The following NTN1 variants were observed in gnomAD, a reference collection of about 807,000 sequenced individuals.
NTN1 encodes netrin-1.
Under a neutral mutation model 54.2 loss-of-function variants are expected in NTN1, and 11 were observed. The observed-to-expected ratio is 0.20, with a 90% CI of 0.13 to 0.34. The LOEUF is 0.34. Ranked by LOEUF, NTN1 falls within the 10% of genes least tolerant of loss-of-function variation. NTN1 has a pLI of 1.00. For synonymous variants in NTN1, 371 were observed against 382.0 expected, an observed-to-expected ratio of 0.97 and a Z score of 0.33; for missense variants, 740 against 893.1, an observed-to-expected ratio of 0.83 and a Z score of 2.18.
intron 2 of NTN1, among the ~76,000 whole-genome samples, chr17:9,118,540 T>G (rs2092222028): frequency 6.6e-6 from 1 of 151,982 alleles, no homozygotes; most frequent in African/African-American, 2.4e-5. Flanking sequence ...CAAAAACCGG[T>G]TCAGTGGTTT....
chr17:9,178,706 C>T (rs991808796), intron 3 of NTN1, among the ~76,000 whole-genome samples: 4 of 152,206 alleles, frequency 2.6e-5, no homozygotes, highest in Admixed American at 6.5e-5. Flanking sequence ...TTACTGCAGA[C>T]GACTCCCCAC....
rs983694873 is a variant in NTN1, at chr17:9,243,793, C to A, written c.*3825C>A. The A allele has an allele frequency of 6.6e-6, 1 of 151,134 alleles. No homozygotes were observed. The highest frequency in any genetic ancestry group is 1.9e-4 in the East Asian group (1 of 5,140). The allele number at this position is 151,134 out of a possible 1,614,324, so 9.4% of individuals were successfully genotyped here. On this transcript the variant is annotated 3_prime_UTR_variant, in exon 7 of 7. Coordinates refer to ENST00000173229, the MANE Select transcript of NTN1 (RefSeq NM_004822.3). Reference sequence around the variant, plus strand: ...ATGACGTATTGTTTGGGTCAATGTCCCTTTCCAATGCATACTAATATATTA... The same window carrying A: ...ATGACGTATTGTTTGGGTCAATGTCACTTTCCAATGCATACTAATATATTA...
chr17:9,062,923 A>C (rs1026129358), intron 2 of NTN1, among the ~76,000 whole-genome samples: 1 of 152,250 alleles, frequency 6.6e-6, no homozygotes, highest in Non-Finnish European at 1.5e-5. Context: ...ACATTTTCAG[A>C]ATGTGTTGTA....
chr17:9,122,979 C>T (rs1276865713), intron 2 of NTN1, among the ~76,000 whole-genome samples: 1 of 152,046 alleles, frequency 6.6e-6, no homozygotes, highest in East Asian at 1.9e-4. Context: ...AGGTTTTTTC[C>T]ACTCTAAGCT....
upstream of NTN1, among the ~76,000 whole-genome samples, chr17:9,018,228 G>A (rs912032518): frequency 4.6e-5 from 7 of 152,076 alleles, no homozygotes; most frequent in African/African-American, 9.7e-5. Flanking sequence ...AGGTGACCCC[G>A]CTCATCCTCT....
At position 9,131,978 on chromosome 17, in the gene NTN1, ATTT is replaced by A. The variant is rs35556647; in HGVS notation, c.1019-30822_1019-30820del. 2.1e-3 allele frequency among the ~76,000 whole-genome samples: 281 copies of A among 133,884 alleles called. 1 individual carries two copies. Among genetic ancestry groups the A allele is most frequent in the African/African-American group, 7.1e-3 (265 of 37,124 alleles). The allele number at this position is 133,884 out of a possible 152,430, so 87.8% of individuals were successfully genotyped here. On this transcript the variant is annotated intron_variant, in intron 2 of 6. Transcript: ENST00000173229. Reference sequence around the variant, plus strand: ...CAACCACGCCCGGCTAATTTTTTGTATTTTTTTTTTTTTTTGGTAGAAACTGGG... The same window carrying A: ...CAACCACGCCCGGCTAATTTTTTGTATTTTTTTTTTTTGGTAGAAACTGGG...
intron 5 of NTN1, among the ~76,000 whole-genome samples, chr17:9,216,841 G>C (rs1236532721): frequency 6.6e-6 from 1 of 152,194 alleles, no homozygotes; most frequent in Non-Finnish European, 1.5e-5. Flanking sequence ...AGGAGTTCGA[G>C]ACCAGCCTGG....
At chr17:9,106,476 CCTTCCTTCCTT>C in intron 2 of NTN1, among the ~76,000 whole-genome samples, 1 of 20,792 alleles carries the variant, frequency 4.8e-5, no homozygotes, top group African/African-American at 2.9e-4. Context: ...TCCCTTCCTT[CCTTCCTTCCTT>C]CCTTCCTTCC....
intron 2 of NTN1, among the ~76,000 whole-genome samples, chr17:9,065,960 C>T (rs963341582): frequency 6.6e-6 from 1 of 152,188 alleles, no homozygotes; most frequent in Non-Finnish European, 1.5e-5. Flanking sequence ...AGATTAAATC[C>T]ATTCATATGT....
At chr17:9,022,173 G>T in intron 1 of NTN1, 138 bp from the exon 2 acceptor site, 1 of 534,640 alleles carries the variant, frequency 1.9e-6, no homozygotes, top group Non-Finnish European at 2.8e-6. Context: ...GCGGGACTTT[G>T]GGGGAGAGAG....
chr17:9,163,118 A>C (rs1158094522), intron 3 of NTN1, 117 bp downstream of exon 3: 10 of 916,846 alleles, frequency 1.1e-5, no homozygotes, highest in Non-Finnish European at 1.5e-5. Context: ...GCGTTGTCTG[A>C]GGTCATCTCT....
chr17:9,061,786 C>G (rs1310455621), intron 2 of NTN1, among the ~76,000 whole-genome samples: 2 of 152,158 alleles, frequency 1.3e-5, no homozygotes, highest in African/African-American at 4.8e-5. Context: ...TCACTGAAAC[C>G]TCCACCTCCC....
intron 3 of NTN1, among the ~76,000 whole-genome samples, chr17:9,169,435 T>C (rs2092381104): frequency 6.6e-6 from 1 of 152,246 alleles, no homozygotes; most frequent in Non-Finnish European, 1.5e-5. Flanking sequence ...TGTGGCGCAC[T>C]GTGCCAAACG....
chr17:9,101,836 T>A (rs1054882927), intron 2 of NTN1, among the ~76,000 whole-genome samples: 1 of 151,964 alleles, frequency 6.6e-6, no homozygotes, highest in Admixed American at 6.6e-5. Flanking sequence ...CTACAAAAAA[T>A]AAGAAATGTA....
intron 2 of NTN1, among the ~76,000 whole-genome samples, chr17:9,028,362 C>T (rs1257127828): frequency 2.0e-5 from 3 of 152,296 alleles, no homozygotes; most frequent in East Asian, 3.9e-4. Flanking sequence ...GTGAGGTTCT[C>T]TGCTGGGGTC....
In NTN1 at chr17:9,133,899, C is replaced by CTTTT. The variant is rs71361867; in HGVS notation, c.1019-28894_1019-28891dup. On this transcript the variant is annotated intron_variant, in intron 2 of 6. Transcript: ENST00000173229. ...ACAGGCATGAGCCACTGGGCCTAGC[C>CTTTT]TTTTTTTTTTTTTTTTTTTTTTTGA... Among the ~76,000 whole-genome samples, 58 of 85,458 alleles carry CTTTT rather than the reference C, an allele frequency of 6.8e-4. 5 individuals carry two copies. The highest frequency in any genetic ancestry group is 1.2e-3 in the Admixed American group (8 of 6,412). The allele number at this position is 85,458 out of a possible 152,430, so 56.1% of individuals were successfully genotyped here. A position where few individuals can be genotyped will look rare whatever the true frequency, so the allele number is the denominator to read the frequency against.
At chr17:9,093,405 CAG>C (rs1324968141) in intron 2 of NTN1, among the ~76,000 whole-genome samples, 4 of 152,136 alleles carry the variant, frequency 2.6e-5, no homozygotes, top group Non-Finnish European at 5.9e-5. Context: ...CTCTGTTGCC[CAG>C]GCTGGAGTGC....
At chr17:9,128,789 A>G (rs1205024292) in intron 2 of NTN1, among the ~76,000 whole-genome samples, 2 of 152,074 alleles carry the variant, frequency 1.3e-5, no homozygotes, top group African/African-American at 4.8e-5. Flanking sequence ...CGTTCACCCA[A>G]CCCGAGTGCA....
chr17:9,007,673 CCTT>C, the NTN1 span, among the ~76,000 whole-genome samples: 2 of 148,282 alleles, frequency 1.3e-5, no homozygotes, highest in African/African-American at 5.0e-5. Context: ...TTCCTTCCCT[CCTT>C]CTCCTTTCTT....
Sources: gnomAD v4.1 joint callset for allele counts (sites outside exome capture counted in the v4.1 genomes callset) on GRCh38, gnomAD v4.1.1 for gene constraint, MANE v1.5 for transcripts, NCBI Gene and HGNC (gene_info 2026-07-23, HGNC 2026-07-21) for gene names.